The following LRP1B variants were observed in gnomAD, a reference collection of about 807,000 sequenced individuals.
LRP1B encodes the protein low-density lipoprotein receptor-related protein 1B.
A neutral mutation model predicts 556.6 loss-of-function variants in LRP1B; 217 were observed. The observed-to-expected ratio is 0.39, with a 90% CI of 0.35 to 0.44. The LOEUF is 0.44. Among genes scored for constraint, LRP1B ranks in the 20% least tolerant of loss-of-function variants. LRP1B has a pLI of 1.00. For synonymous variants in LRP1B, 2,047 were observed against 1,865.8 expected, an observed-to-expected ratio of 1.10 and a Z score of -2.50; for missense variants, 5,053 against 5,620.8, an observed-to-expected ratio of 0.90 and a Z score of 3.23.
At chr2:141,617,133 C>T (rs1407820138) in intron 2 of LRP1B, among the ~76,000 whole-genome samples, 1 of 152,096 alleles carries the variant, frequency 6.6e-6, no homozygotes, top group African/African-American at 2.4e-5. Context: ...ATTTTGATTA[C>T]ATTCGGGTGT....
chr2:140,387,386 A>G (rs1394848450), intron 66 of LRP1B, among the ~76,000 whole-genome samples: 1 of 152,216 alleles, frequency 6.6e-6, no homozygotes, highest in Non-Finnish European at 1.5e-5. Flanking sequence ...ACACAGAATC[A>G]TACCCAATCC....
intron 3 of LRP1B, among the ~76,000 whole-genome samples, chr2:141,388,067 A>C (rs1689897887): frequency 6.6e-6 from 1 of 152,230 alleles, no homozygotes; most frequent in Admixed American, 6.5e-5. Flanking sequence ...ATTACTAATA[A>C]AATGAAGGGA....
chr2:140,817,564 A>G (rs1350316775), intron 31 of LRP1B, among the ~76,000 whole-genome samples: 1 of 151,866 alleles, frequency 6.6e-6, no homozygotes, highest in Non-Finnish European at 1.5e-5. Flanking sequence ...AATTTCTCTC[A>G]TAATAGAAAT....
At chr2:140,824,141 GA>G (rs1332342293) in intron 31 of LRP1B, among the ~76,000 whole-genome samples, 6 of 146,302 alleles carry the variant, frequency 4.1e-5, no homozygotes, top group Non-Finnish European at 7.6e-5. Flanking sequence ...AAAAAAAATA[GA>G]AAACACAATA....
At chr2:141,749,617 A>G (rs1694038212) in intron 2 of LRP1B, among the ~76,000 whole-genome samples, 2 of 152,150 alleles carry the variant, frequency 1.3e-5, no homozygotes, top group Admixed American at 6.6e-5. Context: ...TATATCTTCA[A>G]TTAGTGTCTA....
intron 3 of LRP1B, among the ~76,000 whole-genome samples, chr2:141,424,746 A>T (rs1183941669): frequency 6.6e-6 from 1 of 152,150 alleles, no homozygotes; most frequent in East Asian, 1.9e-4. Context: ...TGGGTTCAGT[A>T]TAAAGCCAGA....
chr2:140,635,669 T>C lies in LRP1B; in HGVS notation c.6800-34030A>G, dbSNP rs1271971659. ...TTTATGTCCTATACTATATACTATA[T>C]ACTATATATAACATGTCCTTTATTA... On this transcript the variant is annotated intron_variant, in intron 41 of 90. Transcript: ENST00000389484. 5.3e-5 allele frequency among the ~76,000 whole-genome samples: 8 copies of C among 152,174 alleles called. No individual in the cohort carries two copies. The East Asian group carries it at 1.5e-3, about 29-fold the overall frequency.
At chr2:141,860,745 C>T (rs1420505898) in intron 1 of LRP1B, among the ~76,000 whole-genome samples, 1 of 152,090 alleles carries the variant, frequency 6.6e-6, no homozygotes, top group Non-Finnish European at 1.5e-5. Context: ...CTTTAAGAAG[C>T]TTGCTTAGAG....
In LRP1B at chr2:140,516,390, A is replaced by T. The variant is rs76745194; in HGVS notation, c.8149+499T>A. Among the ~76,000 whole-genome samples, 377 of 152,188 alleles carry T rather than the reference A, an allele frequency of 2.5e-3. 4 individuals are homozygous for T. Among genetic ancestry groups the T allele is most frequent in the African/African-American group, 8.8e-3 (367 of 41,576 alleles). On this transcript the variant is annotated intron_variant, in intron 50 of 90. Transcript: ENST00000389484. The stretch of plus-strand genomic sequence containing the variant: ...GTAATCAAGAGGTTATTTAAAATGT[A>T]CAGGATGATGTGCATAGGTTATATG...
chr2:141,711,865 C>T (rs1029349359), intron 2 of LRP1B, among the ~76,000 whole-genome samples: 2 of 151,986 alleles, frequency 1.3e-5, no homozygotes, highest in African/African-American at 4.8e-5. Flanking sequence ...TAACTAGATC[C>T]GTCTCAAGGG....
intron 3 of LRP1B, among the ~76,000 whole-genome samples, chr2:141,295,746 AACACACACACACACACACACAC>A (rs376812743): frequency 7.7e-6 from 1 of 130,520 alleles, no homozygotes; most frequent in Non-Finnish European, 1.6e-5. Flanking sequence ...TGAGGAGAGA[AACACACACACACACACACACAC>A]ACACACACAC....
At chr2:141,101,623 A>G (rs1558861517) in intron 7 of LRP1B, among the ~76,000 whole-genome samples, 1 of 152,178 alleles carries the variant, frequency 6.6e-6, no homozygotes, top group East Asian at 1.9e-4. Flanking sequence ...TGAATGAATG[A>G]GTGAAATATG....
chr2:140,299,561 T>C (rs1479418171), intron 83 of LRP1B, among the ~76,000 whole-genome samples: 3 of 152,118 alleles, frequency 2.0e-5, no homozygotes, highest in African/African-American at 4.8e-5. Flanking sequence ...TTAGTAGATA[T>C]TTTCCTTAAA....
intron 2 of LRP1B, among the ~76,000 whole-genome samples, chr2:141,644,393 G>T (rs547793579): frequency 6.6e-6 from 1 of 151,968 alleles, no homozygotes; most frequent in East Asian, 1.9e-4. Context: ...TTTGCCTTCC[G>T]CCATGATAGT....
At chr2:142,126,469 T>C (rs1707655518) in intron 1 of LRP1B, among the ~76,000 whole-genome samples, 1 of 151,862 alleles carries the variant, frequency 6.6e-6, no homozygotes, top group Non-Finnish European at 1.5e-5. Flanking sequence ...GGGGCAATTG[T>C]ATAGTTGGGT....
chr2:140,823,030 T>C (rs1413352434), intron 31 of LRP1B, among the ~76,000 whole-genome samples: 3 of 152,226 alleles, frequency 2.0e-5, no homozygotes, highest in Non-Finnish European at 4.4e-5. Flanking sequence ...ATATTATTTT[T>C]GTTGCCAGAG....
chr2:141,869,011 T>C (rs1346548018), intron 1 of LRP1B, among the ~76,000 whole-genome samples: 1 of 152,136 alleles, frequency 6.6e-6, no homozygotes, highest in Non-Finnish European at 1.5e-5. Flanking sequence ...TTGGATTTTG[T>C]TTTATTGCCC....
chr2:140,236,951 G>T (rs751944858), intron 89 of LRP1B, among the ~76,000 whole-genome samples: 7 of 150,886 alleles, frequency 4.6e-5, no homozygotes, highest in Non-Finnish European at 1.0e-4. Context: ...TTTTATACAT[G>T]TATACATTGC....
intron 84 of LRP1B, among the ~76,000 whole-genome samples, chr2:140,288,730 G>GT (rs969953139): frequency 4.9e-4 from 73 of 149,712 alleles, no homozygotes; most frequent in East Asian, 4.7e-3. Flanking sequence ...GCCATGCATT[G>GT]TTTTTTTTTC....
Sources: allele counts gnomAD v4.1 joint callset (sites outside exome capture counted in the v4.1 genomes callset), GRCh38; gene constraint gnomAD v4.1.1; transcripts MANE v1.5; gene names NCBI Gene and HGNC (gene_info 2026-07-23, HGNC 2026-07-21).